The following MET variants were observed in gnomAD, a reference collection of about 807,000 sequenced individuals.
MET encodes MET proto-oncogene, receptor tyrosine kinase, also known as hepatocyte growth factor receptor.
MET carries 48 observed loss-of-function variants against 133.1 expected under a neutral mutation model. The ratio of observed to expected loss-of-function variants is 0.36; its 90% CI spans 0.29 to 0.46. The LOEUF (loss-of-function observed/expected upper bound fraction) is 0.46, where lower values mean the gene tolerates loss of function less well. Ranked by LOEUF, MET falls within the 20% of genes least tolerant of loss-of-function variation. The pLI is 1.00. For missense variants in MET, 1,442 were observed against 1,695.9 expected, an observed-to-expected ratio of 0.85 and a Z score of 2.63; for synonymous variants, 628 against 616.5, an observed-to-expected ratio of 1.02 and a Z score of -0.28.
At chr7:116,761,640 G>T (rs1015518298) in intron 10 of MET, among the ~76,000 whole-genome samples, 5 of 152,104 alleles carry the variant, frequency 3.3e-5, no homozygotes, top group Non-Finnish European at 5.9e-5. Flanking sequence ...GGAGCCTGCA[G>T]TTTATTGTGT....
intron 5 of MET, among the ~76,000 whole-genome samples, chr7:116,754,092 G>A (rs1794032499): frequency 1.3e-5 from 2 of 152,116 alleles, no homozygotes; most frequent in South Asian, 4.1e-4. Context: ...CTAGGACTAT[G>A]CCACTGCACT....
At position 116,734,593 on chromosome 7, in the gene MET, A is replaced by G. The variant is rs368228150; in HGVS notation, c.1392+2734A>G. Among the ~76,000 whole-genome samples the G allele has an allele frequency of 9.2e-5, 14 of 152,380 alleles. No individual in the cohort carries two copies. The East Asian group carries it at 2.3e-3, about 25-fold the overall frequency. ...CAGCTATATCTGAAAATACTGATGC[A>G]TACATATATTTAAGTCTCAATATCT... On this transcript the variant is annotated intron_variant, in intron 3 of 20. Transcript: ENST00000397752.
chr7:116,724,721 A>C, intron 2 of MET: 1 of 876,216 alleles, frequency 1.1e-6, no homozygotes, highest in Non-Finnish European at 1.6e-6. Flanking sequence ...GCCACCCGGT[A>C]GAGCTGGAAG....
chr7:116,748,997 C>G lies in MET; in HGVS notation c.1702-6358C>G, dbSNP rs185579541. Among the ~76,000 whole-genome samples, 11 of 152,216 alleles carry G rather than the reference C, an allele frequency of 7.2e-5. No homozygotes were observed. The East Asian group carries it at 2.1e-3, about 29-fold the overall frequency. On this transcript the variant is annotated intron_variant, in intron 5 of 20. Coordinates refer to ENST00000397752, the MANE Select transcript of MET (RefSeq NM_000245.4). ...CAACCAAAAAAAGCCCAGGACCAGA[C>G]GGATTCACAGCCGAATTCTACCAGA...
chr7:116,746,269 G>C (rs751983533), intron 5 of MET, among the ~76,000 whole-genome samples: 1 of 152,230 alleles, frequency 6.6e-6, no homozygotes, highest in Non-Finnish European at 1.5e-5. Context: ...TCATTAAAAA[G>C]TCAGGAAACA....
At chr7:116,748,597 T>G (rs1206444130) in intron 5 of MET, among the ~76,000 whole-genome samples, 1 of 151,980 alleles carries the variant, frequency 6.6e-6, no homozygotes, top group African/African-American at 2.4e-5. Context: ...ATTCAAAAGC[T>G]AACAGAAGAC....
chr7:116,758,357 C>A, intron 8 of MET, 102 bp from the exon 9 acceptor site: 1 of 1,252,178 alleles, frequency 8.0e-7, no homozygotes. Context: ...GAAATTCCCA[C>A]TTAGGAACCA....
intron 2 of MET, among the ~76,000 whole-genome samples, chr7:116,715,507 C>G (rs1398963779): frequency 6.6e-6 from 1 of 152,208 alleles, no homozygotes; most frequent in Non-Finnish European, 1.5e-5. Context: ...TCTCAAGATC[C>G]TTAACTAATC....
chr7:116,739,897 TATTTA>T, intron 3 of MET, 48 bp from the exon 4 acceptor site: 4 of 1,613,008 alleles, frequency 2.5e-6, no homozygotes, highest in Non-Finnish European at 3.4e-6. Flanking sequence ...TTTCCACTTA[TATTTA>T]AACTGAGCTT....
At chr7:116,756,260 A>C (rs1190151541) in intron 6 of MET, among the ~76,000 whole-genome samples, 1 of 152,162 alleles carries the variant, frequency 6.6e-6, no homozygotes, top group East Asian at 1.9e-4. Context: ...GAATTCCATA[A>C]TCATCAGAGA....
chr7:116,795,359 A>G (rs911860339), intron 19 of MET, among the ~76,000 whole-genome samples: 8 of 152,248 alleles, frequency 5.3e-5, no homozygotes, highest in Admixed American at 6.5e-5. Flanking sequence ...GCTTTGACAC[A>G]GCGGGAGAGA....
chr7:116,764,510 T>C (rs989095276), intron 11 of MET, among the ~76,000 whole-genome samples: 1 of 152,164 alleles, frequency 6.6e-6, no homozygotes, highest in Admixed American at 6.5e-5. Context: ...CAAATAGTTT[T>C]ACACTCACAG....
chr7:116,722,781 C>A (rs1381822111), intron 2 of MET, among the ~76,000 whole-genome samples: 1 of 151,926 alleles, frequency 6.6e-6, no homozygotes, highest in East Asian at 1.9e-4. Flanking sequence ...GTTGAAAATT[C>A]TTTTCTTTAA....
At chr7:116,736,870 C>G (rs1793235192) in intron 3 of MET, among the ~76,000 whole-genome samples, 1 of 152,204 alleles carries the variant, frequency 6.6e-6, no homozygotes, top group African/African-American at 2.4e-5. Flanking sequence ...ATAAGAATTA[C>G]ATTTACATGG....
intron 19 of MET, among the ~76,000 whole-genome samples, chr7:116,786,794 A>C (rs1424850440): frequency 1.3e-5 from 2 of 152,260 alleles, no homozygotes; most frequent in Admixed American, 6.5e-5. Context: ...AATAATGTTC[A>C]TGGGGGACAT....
intron 11 of MET, among the ~76,000 whole-genome samples, chr7:116,768,674 A>G (rs972390812): frequency 1.3e-5 from 2 of 152,218 alleles, no homozygotes; most frequent in African/African-American, 2.4e-5. Flanking sequence ...AAGATTATAT[A>G]AAACAAAGGA....
chr7:116,728,312 C>T (rs1440659811), intron 2 of MET, among the ~76,000 whole-genome samples: 4 of 151,928 alleles, frequency 2.6e-5, no homozygotes, highest in Non-Finnish European at 5.9e-5. Context: ...ATGGGGGGGG[C>T]AATAGAGACA....
intron 5 of MET, among the ~76,000 whole-genome samples, chr7:116,745,744 T>C (rs1479947015): frequency 6.6e-6 from 1 of 152,240 alleles, no homozygotes; most frequent in Non-Finnish European, 1.5e-5. Flanking sequence ...AAGCTGAAAC[T>C]GGATCCCTTC....
chr7:116,731,976 C>T, intron 3 of MET, 117 bp downstream of exon 3: 1 of 999,780 alleles, frequency 1.0e-6, no homozygotes, highest in Non-Finnish European at 1.5e-6. Flanking sequence ...ATAGTAGAAA[C>T]TGGAACACAG....
Sources: allele counts gnomAD v4.1 joint callset (sites outside exome capture counted in the v4.1 genomes callset), GRCh38; gene constraint gnomAD v4.1.1; transcripts MANE v1.5; gene names NCBI Gene and HGNC (gene_info 2026-07-23, HGNC 2026-07-21).